PRSS12: variants seen among roughly 807,000 people sequenced by gnomAD.
PRSS12 encodes neurotrypsin.
A neutral mutation model predicts 104.4 loss-of-function variants in PRSS12; 85 were observed. The observed-to-expected ratio is 0.81, with a 90% confidence interval of 0.68 to 0.98. The LOEUF is 0.98. PRSS12 is among the 50% of genes least tolerant of loss of function. PRSS12 has a pLI of 0.00. For missense variants in PRSS12, 1,141 were observed against 1,139.2 expected (o/e 1.00, Z -0.02); for synonymous variants, 454 against 425.2 (o/e 1.07, Z -0.83).
intron 1 of PRSS12, among the ~76,000 whole-genome samples, chr4:118,342,465 T>TC (rs1724239950): frequency 6.6e-6 from 1 of 152,198 alleles, no homozygotes; most frequent in African/African-American, 2.4e-5. Context: ...TGCACTGTCT[T>TC]AAAGTCTCTC....
At chr4:118,299,825 A>AATAAG (rs1743362962) in intron 8 of PRSS12, among the ~76,000 whole-genome samples, 1 of 143,842 alleles carries the variant, frequency 7.0e-6, no homozygotes, top group Non-Finnish European at 1.5e-5. Context: ...AATAAAATAA[A>AATAAG]ATAAAATAAA....
intron 8 of PRSS12, among the ~76,000 whole-genome samples, chr4:118,307,660 G>T (rs1743590145): frequency 6.6e-6 from 1 of 152,144 alleles, no homozygotes; most frequent in South Asian, 2.1e-4. Flanking sequence ...ACCAACAGGA[G>T]ATGATCTGCC....
intron 11 of PRSS12, among the ~76,000 whole-genome samples, chr4:118,283,551 G>C (rs1280897311): frequency 1.3e-5 from 2 of 152,178 alleles, no homozygotes; most frequent in Non-Finnish European, 2.9e-5. Context: ...ACTCTTGCAA[G>C]GTGGACTTAA....
chr4:118,329,262 C>T (rs1300550662), intron 4 of PRSS12, among the ~76,000 whole-genome samples: 1 of 152,154 alleles, frequency 6.6e-6, no homozygotes, highest in Non-Finnish European at 1.5e-5. Flanking sequence ...CAGTGTGTCA[C>T]TTAAATGTTC....
At chr4:118,303,816 A>G (rs1743462377) in intron 8 of PRSS12, 1 of 152,062 alleles carries the variant, frequency 6.6e-6, no homozygotes, top group South Asian at 2.1e-4. Flanking sequence ...TCACTTCACA[A>G]AAAGCATATC....
intron 4 of PRSS12, among the ~76,000 whole-genome samples, chr4:118,322,646 C>A (rs183806658): frequency 5.3e-5 from 8 of 150,350 alleles, no homozygotes; most frequent in Admixed American, 5.3e-4. Flanking sequence ...GTAATTCCCA[C>A]AATTTGGGGA....
rs186342398 is a variant in PRSS12 at position 118,321,876 on chromosome 4, T to C, written c.972-3320A>G. ...TTCAAAGAAATATTTATGGAAGTAA[T>C]TTATGGCCTATAGGAGACTGAACAA... On this transcript the variant is annotated intron_variant, in intron 4 of 12. Transcript: ENST00000296498. Among the ~76,000 whole-genome samples, 36 of 152,298 alleles carry C rather than the reference T, an allele frequency of 2.4e-4. 1 individual carries two copies. The highest frequency in any genetic ancestry group is 2.3e-3 in the Admixed American group (35 of 15,298).
chr4:118,281,494 T>C lies in PRSS12; in HGVS notation c.*442A>G, dbSNP rs1324029578. The stretch of plus-strand genomic sequence containing the variant: ...ATATGAAGATTTCTTGTCAAGTCTT[T>C]TGAAAAGACCTAAGCATAAATATGC... On this transcript the variant is annotated 3_prime_UTR_variant, in exon 13 of 13. Transcript: ENST00000296498. 1 of 191,466 alleles carries C rather than the reference T, an allele frequency of 5.2e-6. No homozygotes were observed. The highest frequency in any genetic ancestry group is 1.1e-5 in the Non-Finnish European group (1 of 89,948). 11.9% of individuals were successfully genotyped at this position (191,466 alleles called of 1,614,324 possible). A position where few individuals can be genotyped will look rare whatever the true frequency, so the allele number is the denominator to read the frequency against.
chr4:118,328,076 GTC>G (rs1723823489), intron 4 of PRSS12, among the ~76,000 whole-genome samples: 1 of 152,196 alleles, frequency 6.6e-6, no homozygotes, highest in Non-Finnish European at 1.5e-5. Context: ...ACAATTATGT[GTC>G]TGCTATCAAT....
In PRSS12 at chr4:118,290,119, G is replaced by T. The variant is rs114620760; in HGVS notation, c.2039+4820C>A. Among the ~76,000 whole-genome samples, 724 of 152,220 alleles carry T rather than the reference G, an allele frequency of 4.8e-3. 13 individuals are homozygous for T. Among genetic ancestry groups the T allele is most frequent in the African/African-American group, 0.017 (697 of 41,546 alleles). On this transcript the variant is annotated intron_variant, in intron 11 of 12. Transcript: ENST00000296498. ...TGCCAAGTCATACAGTAGACACTTGGTGTATAAACACAAATGAGAAATGAG... is the reference window on the plus strand; with the variant it reads ...TGCCAAGTCATACAGTAGACACTTGTTGTATAAACACAAATGAGAAATGAG...
In PRSS12 at chr4:118,283,008, G is replaced by A; in HGVS notation, c.2143C>T (p.His715Tyr). The change falls in exon 12 of 13, where the codon CAT becomes TAT. Residue 715 changes from histidine (H) to tyrosine (Y), a missense_variant. His to Tyr is a moderately conservative substitution (Grantham distance 83, BLOSUM62 2). Coordinates refer to ENST00000296498, the MANE Select transcript of PRSS12 (RefSeq NM_003619.4). ...CTGCGGTCGGGTCGATACTCCCGAT[G>A]AATCACAATCTGTTGAACTCCAATT... Reference protein sequence around the residue: ...EEIGVQQIVIHREYRPDRSDY... With the variant: ...EEIGVQQIVIYREYRPDRSDY... The A allele has an allele frequency of 6.2e-7, 1 of 1,614,116 alleles. No individual in the cohort carries two copies. The highest frequency in any genetic ancestry group is 2.2e-5 in the East Asian group (1 of 44,870).
intron 10 of PRSS12, among the ~76,000 whole-genome samples, 199 bp downstream of exon 10, chr4:118,295,579 A>T (rs1024741674): frequency 1.3e-5 from 2 of 152,206 alleles, no homozygotes; most frequent in Non-Finnish European, 2.9e-5. Context: ...AATCTCTTAA[A>T]TCAGGCTGGT....
At chr4:118,287,722 G>C (rs994352088) in intron 11 of PRSS12, among the ~76,000 whole-genome samples, 1 of 152,044 alleles carries the variant, frequency 6.6e-6, no homozygotes, top group African/African-American at 2.4e-5. Context: ...ATGGTTCTAG[G>C]CTTCTCAAGA....
At position 118,335,571 on chromosome 4, in the gene PRSS12, C is replaced by A. The variant is rs1236463473; in HGVS notation, c.722G>T (p.Gly241Val). 1.2e-6 allele frequency: 2 copies of A among 1,614,054 alleles called. No homozygotes were observed. The highest frequency in any genetic ancestry group is 2.2e-5 in the South Asian group (2 of 91,082). Residue 241 changes from glycine (G) to valine (V), a missense_variant, in exon 3 of 13, where the codon GGA (glycine) becomes GTA (valine). Coordinates refer to ENST00000296498, the MANE Select transcript of PRSS12 (RefSeq NM_003619.4). ...PIYWSNVRCR[G>V]DEENILLCEK... ...ACAAAGCAGTATATTTTCTTCATCT[C>A]CTCGGCAACGGACATTGCTCCAATA...
At chr4:118,299,712 TAA>T (rs1182586335) in intron 8 of PRSS12, among the ~76,000 whole-genome samples, 1 of 63,812 alleles carries the variant, frequency 1.6e-5, no homozygotes, top group South Asian at 5.1e-4. Context: ...ATAAATAAAA[TAA>T]ATAAAATAAA....
At chr4:118,287,830 T>C (rs1314448829) in intron 11 of PRSS12, among the ~76,000 whole-genome samples, 1 of 152,228 alleles carries the variant, frequency 6.6e-6, no homozygotes, top group African/African-American at 2.4e-5. Flanking sequence ...AAAATGCTTC[T>C]AAAACAAACA....
At chr4:118,299,013 A>G in intron 8 of PRSS12, 75 bp from the exon 9 acceptor site, 2 of 1,475,440 alleles carry the variant, frequency 1.4e-6, no homozygotes, top group Non-Finnish European at 1.9e-6. Context: ...CATGTATTCA[A>G]TTTTATTCCT....
intron 11 of PRSS12, among the ~76,000 whole-genome samples, chr4:118,291,574 C>G (rs986854496): frequency 2.0e-4 from 30 of 151,988 alleles, no homozygotes; most frequent in African/African-American, 5.8e-4. Flanking sequence ...TAATCCAGTC[C>G]CACACAATCT....
In PRSS12 at chr4:118,297,999, G is replaced by A. The variant is rs183924776; in HGVS notation, c.1837+734C>T. ...CTAAAAATACAAAAATTAGCTGGGC[G>A]TGGTGGCAGGCGCCTGTAATCCCAG... On this transcript the variant is annotated intron_variant, in intron 9 of 12. Coordinates refer to ENST00000296498, the MANE Select transcript of PRSS12 (RefSeq NM_003619.4). Among the ~76,000 whole-genome samples the A allele has an allele frequency of 9.0e-3, 1,364 of 152,052 alleles. 18 individuals carry two copies. The highest frequency in any genetic ancestry group is 0.028 in the African/African-American group (1,176 of 41,460).
Sources: allele counts gnomAD v4.1 joint callset (sites outside exome capture counted in the v4.1 genomes callset), GRCh38; gene constraint gnomAD v4.1.1; transcripts MANE v1.5; gene names NCBI Gene and HGNC (gene_info 2026-07-23, HGNC 2026-07-21).